The following MICAL2 variants were observed in gnomAD, a reference collection of about 807,000 sequenced individuals.
MICAL2 encodes [F-actin]-monooxygenase MICAL2.
A neutral mutation model predicts 127.3 loss-of-function variants in MICAL2; 77 were observed. That is an observed-to-expected ratio of 0.60 (90% CI 0.50 to 0.73). The LOEUF (loss-of-function observed/expected upper bound fraction) is 0.73, where lower values mean the gene tolerates loss of function less well. Among genes scored for constraint, MICAL2 ranks in the 30% least tolerant of loss-of-function variants. MICAL2 has a pLI of 0.00. For missense variants in MICAL2, 1,351 were observed against 1,434.4 expected, an observed-to-expected ratio of 0.94 and a Z score of 0.94; for synonymous variants, 570 against 551.1, an observed-to-expected ratio of 1.03 and a Z score of -0.48.
chr11:12,145,944 T>C (rs1233666500), intron 2 of MICAL2, among the ~76,000 whole-genome samples: 1 of 152,214 alleles, frequency 6.6e-6, no homozygotes, highest in African/African-American at 2.4e-5. Flanking sequence ...CTTCTGTAAT[T>C]GTATATCAGG....
chr11:12,329,480 G>A (rs926524040), intron 32 of MICAL2, among the ~76,000 whole-genome samples: 4 of 152,200 alleles, frequency 2.6e-5, no homozygotes, highest in African/African-American at 9.6e-5. Flanking sequence ...GTGGCATGGT[G>A]GGAAGTGGGG....
intron 2 of MICAL2, among the ~76,000 whole-genome samples, chr11:12,158,989 G>C (rs971360824): frequency 6.6e-6 from 1 of 152,210 alleles, no homozygotes; most frequent in Non-Finnish European, 1.5e-5. Context: ...GTTGTAAAGG[G>C]TGAGATGGGT....
chr11:12,268,834 C>CA lies in MICAL2; in HGVS notation c.3335-7137dup, dbSNP rs59677738. ...TGAAACACTGTCTCTACTAAAAATA[C>CA]AAAAAAAAAAAAAAATTAGCCAGGC... On this transcript the variant is annotated intron_variant, in intron 24 of 34. Transcript: ENST00000646065. Among the ~76,000 whole-genome samples, 98 of 143,884 alleles carry CA rather than the reference C, an allele frequency of 6.8e-4. 2 individuals are homozygous for CA. The East Asian group carries it at 7.0e-3, about 10-fold the overall frequency. 94.4% of individuals were successfully genotyped at this position (143,884 alleles called of 152,430 possible).
At chr11:12,279,392 T>C (rs1230617354) in intron 1 of MICAL2, among the ~76,000 whole-genome samples, 1 of 152,126 alleles carries the variant, frequency 6.6e-6, no homozygotes, top group Admixed American at 6.5e-5. Flanking sequence ...GTCTTGGTCA[T>C]GCAGACTCTG....
intron 29 of MICAL2, among the ~76,000 whole-genome samples, chr11:12,307,844 C>A (rs1020754234): frequency 6.6e-6 from 1 of 152,260 alleles, no homozygotes; most frequent in South Asian, 2.1e-4. Flanking sequence ...ACTAAAAGCA[C>A]ACTTTCTTGA....
chr11:12,172,474 G>T (rs1221585110), intron 3 of MICAL2, among the ~76,000 whole-genome samples: 2 of 152,110 alleles, frequency 1.3e-5, no homozygotes, highest in East Asian at 3.9e-4. Context: ...ATGTCTGCAG[G>T]TTCAAGCAAT....
chr11:12,304,475 A>G (rs971576558), intron 29 of MICAL2, among the ~76,000 whole-genome samples: 1 of 152,100 alleles, frequency 6.6e-6, no homozygotes, highest in Admixed American at 6.5e-5. Flanking sequence ...TACTAAAAAT[A>G]CAAAAAAAAA....
At chr11:12,202,856 C>T (rs1403623088) in intron 3 of MICAL2, among the ~76,000 whole-genome samples, 4 of 152,146 alleles carry the variant, frequency 2.6e-5, no homozygotes, top group African/African-American at 9.7e-5. Flanking sequence ...AGTATATTTA[C>T]AAAGTTATGC....
At position 12,162,349 on chromosome 11, in the gene MICAL2, T is replaced by A. The variant is rs753104785; in HGVS notation, c.194T>A (p.Leu65Gln). 12 of 1,614,134 alleles carry A rather than the reference T, an allele frequency of 7.4e-6. No homozygotes were observed. The highest frequency in any genetic ancestry group is 9.3e-6 in the Non-Finnish European group (11 of 1,180,042). Residue 65 changes from leucine to glutamine, a missense_variant, in exon 3 of 28, where the codon CTG (leucine) becomes CAG (glutamine). Physicochemically the swap from Leu to Gln is moderately radical, Grantham distance 113. Transcript: ENST00000683283. The part of the protein sequence containing the change: ...SKVTTWKAKA[L>Q]WYKLDKRGSH... ...GTGACCACCTGGAAAGCCAAAGCCC[T>A]GTGGTACAAATTGGATAAGCGTGGT...
In MICAL2 at chr11:12,261,364, G is replaced by T. The variant is rs1863090516; in HGVS notation, c.3335-1116G>T. On this transcript the variant is annotated intron_variant, in intron 26 of 27. Transcript: ENST00000683283. ...TGGGAGTGGAAGCTATTTATGGACT[G>T]ATCCAAAGGACATATGCATGAGTAA... 5 of 985,402 alleles carry T rather than the reference G, an allele frequency of 5.1e-6. No homozygotes were observed. The South Asian group carries it at 2.3e-4, about 46-fold the overall frequency. The allele number at this position is 985,402 out of a possible 1,614,324, so 61.0% of individuals were successfully genotyped here.
chr11:12,207,824 A>C, intron 4 of MICAL2, 199 bp from the exon 5 acceptor site: 1 of 545,154 alleles, frequency 1.8e-6, no homozygotes, highest in South Asian at 2.9e-5. Context: ...AATGAGAATA[A>C]TAACGATTCC....
intron 29 of MICAL2, among the ~76,000 whole-genome samples, chr11:12,311,572 T>C (rs1200034436): frequency 6.6e-6 from 1 of 152,210 alleles, no homozygotes; most frequent in Non-Finnish European, 1.5e-5. Flanking sequence ...CGGCTAATTT[T>C]TGTATTTTTC....
intron 32 of MICAL2, chr11:12,349,733 G>A: frequency 1.9e-6 from 2 of 1,056,548 alleles, no homozygotes; most frequent in South Asian, 2.9e-5. Context: ...GCTGCCTGCA[G>A]AGCCCTTGTC....
At chr11:12,231,193 C>T (rs892337115) in intron 15 of MICAL2, among the ~76,000 whole-genome samples, 4 of 152,268 alleles carry the variant, frequency 2.6e-5, no homozygotes, top group African/African-American at 9.6e-5. Flanking sequence ...ATGGCCACTA[C>T]GGTCATTACT....
intron 2 of MICAL2, among the ~76,000 whole-genome samples, chr11:12,148,116 C>G (rs1280190903): frequency 6.6e-6 from 1 of 152,182 alleles, no homozygotes; most frequent in Non-Finnish European, 1.5e-5. Context: ...TCTTCCAACT[C>G]TGCATCCACA....
chr11:12,188,541 T>C (rs1203258251), intron 3 of MICAL2, among the ~76,000 whole-genome samples: 1 of 152,188 alleles, frequency 6.6e-6, no homozygotes, highest in African/African-American at 2.4e-5. Flanking sequence ...ACCAAAATTA[T>C]CTGGTCCCAA....
At chr11:12,188,820 T>C (rs1458483707) in intron 3 of MICAL2, among the ~76,000 whole-genome samples, 1 of 152,182 alleles carries the variant, frequency 6.6e-6, no homozygotes, top group Non-Finnish European at 1.5e-5. Context: ...AAATTGAACA[T>C]AGCATACCTG....
downstream of MICAL2, chr11:12,294,182 G>T: frequency 1.2e-6 from 2 of 1,614,012 alleles, no homozygotes; most frequent in South Asian, 1.1e-5. Flanking sequence ...GGAGAAGATG[G>T]GGACCCCTGC....
chr11:12,202,744 C>G (rs190102468), intron 3 of MICAL2, among the ~76,000 whole-genome samples: 57 of 152,312 alleles, frequency 3.7e-4, no homozygotes, highest in Non-Finnish European at 7.6e-4. Flanking sequence ...ACATTTACAC[C>G]AGTAGGTGCC....
Sources: gnomAD v4.1 joint callset for allele counts (sites outside exome capture counted in the v4.1 genomes callset) on GRCh38, gnomAD v4.1.1 for gene constraint, MANE v1.5 for transcripts, NCBI Gene and HGNC (gene_info 2026-07-23, HGNC 2026-07-21) for gene names.